The following GRIK4 variants were observed in gnomAD, a reference collection of about 807,000 sequenced individuals.
GRIK4 encodes glutamate ionotropic receptor kainate type subunit 4.
Under a neutral mutation model 104.9 loss-of-function variants are expected in GRIK4, and 40 were observed. That is an observed-to-expected ratio of 0.38 (90% CI 0.30 to 0.50). The LOEUF (loss-of-function observed/expected upper bound fraction) is 0.50. Among genes scored for constraint, GRIK4 ranks in the 20% least tolerant of loss-of-function variants. The pLI is 0.93. For missense variants in GRIK4, 1,047 were observed against 1,308.1 expected (o/e 0.80, Z 3.08); for synonymous variants, 485 against 524.9 (o/e 0.92, Z 1.04).
At chr11:120,881,644 C>G (rs1191731746) in intron 11 of GRIK4, among the ~76,000 whole-genome samples, 1 of 152,192 alleles carries the variant, frequency 6.6e-6, no homozygotes, top group Non-Finnish European at 1.5e-5. Context: ...TTAGAAGGCT[C>G]AGAGAATTCA....
Position 120,988,596 on chromosome 11 carries a change from G to A in GRIK4, c.*2336G>A, listed in dbSNP as rs1465801739. The A allele has an allele frequency of 6.6e-6, 1 of 152,028 alleles. No individual in the cohort carries two copies. Among genetic ancestry groups the A allele is most frequent in the African/African-American group, 2.4e-5 (1 of 41,382 alleles). The allele number at this position is 152,028 out of a possible 1,614,324, so 9.4% of individuals were successfully genotyped here. A position where few individuals can be genotyped will look rare whatever the true frequency, so the allele number is the denominator to read the frequency against. On this transcript the variant is annotated 3_prime_UTR_variant, in exon 21 of 21. Coordinates refer to ENST00000527524, the MANE Select transcript of GRIK4 (RefSeq NM_014619.5). ...GGTTTCTGTTAGCTGCTGAGACCAGGGCCTCACCTTGCTCAAGCTAGTGGG... is the reference window on the plus strand; with the variant it reads ...GGTTTCTGTTAGCTGCTGAGACCAGAGCCTCACCTTGCTCAAGCTAGTGGG...
At chr11:120,519,324 T>A (rs1947768322) in intron 1 of GRIK4, among the ~76,000 whole-genome samples, 1 of 152,156 alleles carries the variant, frequency 6.6e-6, no homozygotes. Context: ...CAAGTGATAG[T>A]ATTAGGAGGT....
At chr11:120,846,607 G>A (rs1480373535) in intron 8 of GRIK4, among the ~76,000 whole-genome samples, 1 of 152,192 alleles carries the variant, frequency 6.6e-6, no homozygotes, top group Non-Finnish European at 1.5e-5. Context: ...GGAAGTCTCA[G>A]GTGAGATGAT....
chr11:120,901,787 C>T (rs556158943), intron 12 of GRIK4, among the ~76,000 whole-genome samples: 3 of 152,304 alleles, frequency 2.0e-5, no homozygotes, highest in East Asian at 3.9e-4. Context: ...TCCACAGCTA[C>T]GCCAAGTCCA....
intron 9 of GRIK4, among the ~76,000 whole-genome samples, chr11:120,864,593 GA>G (rs1258653613): frequency 1.3e-5 from 2 of 152,122 alleles, no homozygotes; most frequent in African/African-American, 4.8e-5. Context: ...CAAGAAAGGA[GA>G]AAAAAACATC....
intron 3 of GRIK4, among the ~76,000 whole-genome samples, chr11:120,794,526 G>A (rs976516602): frequency 4.6e-5 from 7 of 151,858 alleles, no homozygotes; most frequent in Non-Finnish European, 5.9e-5. Context: ...GGTTTGTCCC[G>A]AATCCAGTTG....
chr11:120,868,956 A>T (rs1172034471), intron 9 of GRIK4: 1 of 152,222 alleles, frequency 6.6e-6, no homozygotes, highest in African/African-American at 2.4e-5. Flanking sequence ...GAGCTAAATG[A>T]GTAAGTAATA....
chr11:120,927,187 T>TTATTGTG (rs5795249), intron 13 of GRIK4, among the ~76,000 whole-genome samples: 1 of 151,872 alleles, frequency 6.6e-6, no homozygotes, highest in Admixed American at 6.6e-5. Context: ...AGTTGGGTCT[T>TTATTGTG]TATGAACTTG....
intron 3 of GRIK4, among the ~76,000 whole-genome samples, chr11:120,721,927 A>G (rs920491215): frequency 2.0e-5 from 3 of 152,202 alleles, no homozygotes; most frequent in Admixed American, 6.5e-5. Context: ...ATTGGACACT[A>G]TATGTGAGGC....
chr11:120,867,150 C>T (rs368950369), intron 9 of GRIK4, among the ~76,000 whole-genome samples: 5 of 151,992 alleles, frequency 3.3e-5, no homozygotes, highest in Non-Finnish European at 5.9e-5. Flanking sequence ...GAAGGTGTTG[C>T]GGACTCTCTC....
intron 13 of GRIK4, among the ~76,000 whole-genome samples, chr11:120,916,889 G>A (rs1943115262): frequency 6.6e-6 from 1 of 152,116 alleles, no homozygotes; most frequent in South Asian, 2.1e-4. Context: ...CAGATAAGGG[G>A]CGCTTGCATT....
rs10607182 is a variant in GRIK4, at chr11:120,678,620, G to GT, written c.82+18233dup. 5.3e-3 allele frequency among the ~76,000 whole-genome samples: 777 copies of GT among 146,190 alleles called. 3 individuals carry two copies. Among genetic ancestry groups the GT allele is most frequent in the Non-Finnish European group, 6.4e-3 (422 of 66,342 alleles). On this transcript the variant is annotated intron_variant, in intron 3 of 20. Coordinates refer to ENST00000527524, the MANE Select transcript of GRIK4 (RefSeq NM_014619.5). Reference sequence around the variant, plus strand: ...CCAGGCGAGGGGCTCCACTAGAAGGGTTTTTTTTTTTTTGTTTTAGTTTTT... The same window carrying GT: ...CCAGGCGAGGGGCTCCACTAGAAGGGTTTTTTTTTTTTTTGTTTTAGTTTTT...
intron 1 of GRIK4, among the ~76,000 whole-genome samples, chr11:120,615,044 C>T (rs778715754): frequency 3.9e-5 from 6 of 152,226 alleles, no homozygotes; most frequent in Non-Finnish European, 8.8e-5. Context: ...AAACAAAAAC[C>T]GTAAGCAAAT....
chr11:120,986,640 A>G lies in GRIK4; in HGVS notation c.*380A>G, dbSNP rs1350488122. On this transcript the variant is annotated 3_prime_UTR_variant, in exon 21 of 21. Transcript: ENST00000527524. ...TGAATTTCCCCCTAGTCAGGGGCCA[A>G]TGTACCCTCCGTCTAGTTCTTACAG... 2 of 184,504 alleles carry G rather than the reference A, an allele frequency of 1.1e-5. No homozygotes were observed. Among genetic ancestry groups the G allele is most frequent in the East Asian group, 1.4e-4 (1 of 7,098 alleles). 11.4% of individuals were successfully genotyped at this position (184,504 alleles called of 1,614,324 possible). A position where few individuals can be genotyped will look rare whatever the true frequency, so the allele number is the denominator to read the frequency against.
intron 1 of GRIK4, among the ~76,000 whole-genome samples, chr11:120,588,006 G>A (rs1007488112): frequency 5.9e-5 from 9 of 152,204 alleles, no homozygotes; most frequent in African/African-American, 1.9e-4. Flanking sequence ...CTTGGCTGCC[G>A]GGATTTGTCA....
At chr11:120,559,072 C>G (rs1355011862) in intron 1 of GRIK4, among the ~76,000 whole-genome samples, 2 of 152,190 alleles carry the variant, frequency 1.3e-5, no homozygotes, top group Non-Finnish European at 2.9e-5. Flanking sequence ...TCTCTGTTCT[C>G]AGCTGGGGGT....
At chr11:120,551,883 G>A (rs1948144136) in intron 1 of GRIK4, among the ~76,000 whole-genome samples, 1 of 152,218 alleles carries the variant, frequency 6.6e-6, no homozygotes, top group Admixed American at 6.5e-5. Context: ...GGTTCTGGGA[G>A]CTTCTGGATA....
At chr11:120,807,354 A>C (rs1952733877) in intron 4 of GRIK4, among the ~76,000 whole-genome samples, 1 of 152,170 alleles carries the variant, frequency 6.6e-6, no homozygotes, top group South Asian at 2.1e-4. Flanking sequence ...GCAGACCCAG[A>C]AGCAGGGGCT....
chr11:120,530,943 G>C (rs1319199706), intron 1 of GRIK4, among the ~76,000 whole-genome samples: 1 of 152,148 alleles, frequency 6.6e-6, no homozygotes, highest in Non-Finnish European at 1.5e-5. Flanking sequence ...TCACAAAAAG[G>C]AGATCTGCTA....
Sources: allele counts gnomAD v4.1 joint callset (sites outside exome capture counted in the v4.1 genomes callset), GRCh38; gene constraint gnomAD v4.1.1; transcripts MANE v1.5; gene names NCBI Gene and HGNC (gene_info 2026-07-23, HGNC 2026-07-21).